Variants in ACTN2 observed in about 807,000 individuals in gnomAD.
The protein encoded by ACTN2 is alpha-actinin-2.
Under a neutral mutation model 113.8 loss-of-function variants are expected in ACTN2, and 39 were observed. The ratio of observed to expected loss-of-function variants is 0.34; its 90% CI spans 0.27 to 0.45. The LOEUF (loss-of-function observed/expected upper bound fraction) is 0.45. Among genes scored for constraint, ACTN2 ranks in the 20% least tolerant of loss-of-function variants. The probability of loss-of-function intolerance (pLI) is 1.00; values close to 1 mark genes in which losing one functional copy is unlikely to be tolerated. For missense variants in ACTN2, 992 were observed against 1,177.9 expected, an observed-to-expected ratio of 0.84 and a Z score of 2.31; for synonymous variants, 429 against 444.1, an observed-to-expected ratio of 0.97 and a Z score of 0.43.
At chr1:236,737,527 CT>C (rs143314457) in intron 9 of ACTN2, among the ~76,000 whole-genome samples, 6,328 of 141,680 alleles carry the variant, frequency 0.045, 216 homozygotes, top group Middle Eastern at 0.11. Flanking sequence ...TTGGACACCC[CT>C]AGACGACCTT....
chr1:236,734,126 C>A (rs964110502), intron 7 of ACTN2, among the ~76,000 whole-genome samples: 4 of 152,098 alleles, frequency 2.6e-5, no homozygotes, highest in Non-Finnish European at 5.9e-5. Flanking sequence ...GGTGTGTGCA[C>A]TCTGTTCAAT....
At chr1:236,738,891 T>C (rs554701978) in intron 9 of ACTN2, among the ~76,000 whole-genome samples, 29 of 152,350 alleles carry the variant, frequency 1.9e-4, no homozygotes, top group African/African-American at 6.7e-4. Context: ...AAACACATTT[T>C]AAGTGAAATC....
rs531670302 is a variant in ACTN2 at position 236,741,938 on chromosome 1, T to C, written c.1108-958T>C. On this transcript the variant is annotated intron_variant, in intron 10 of 20. Transcript: ENST00000366578. ...GCCAAACGCATCTCTCCCTCTGCCC[T>C]GAGGCACTCCACCGCTGCCACACCC... Among the ~76,000 whole-genome samples the C allele has an allele frequency of 5.3e-5, 8 of 152,310 alleles. No homozygotes were observed. The East Asian group carries it at 1.5e-3, about 29-fold the overall frequency.
At chr1:236,735,837 G>A (rs979950473) in intron 8 of ACTN2, 117 bp downstream of exon 8, 4 of 973,532 alleles carry the variant, frequency 4.1e-6, no homozygotes, top group Admixed American at 2.0e-5. Context: ...CTTTCTGAGT[G>A]TTTTCTAATA....
intron 4 of ACTN2, among the ~76,000 whole-genome samples, chr1:236,722,974 A>C (rs1658445830): frequency 6.6e-6 from 1 of 152,182 alleles, no homozygotes; most frequent in Admixed American, 6.5e-5. Flanking sequence ...GATTGTAGTA[A>C]CCAATTGAAG....
At chr1:236,721,015 G>GGTTTTTGTTTTTTTTT in intron 4 of ACTN2, among the ~76,000 whole-genome samples, 22 of 49,176 alleles carry the variant, frequency 4.5e-4, no homozygotes, top group African/African-American at 1.4e-3. Flanking sequence ...TCTGGTTTTT[G>GGTTTTTGTTTTTTTTT]TTTTTTGTTT....
At chr1:236,696,200 G>A (rs1262083743) in intron 1 of ACTN2, among the ~76,000 whole-genome samples, 4 of 151,848 alleles carry the variant, frequency 2.6e-5, no homozygotes, top group South Asian at 2.1e-4. Context: ...CCAGCTACTC[G>A]GGAGGCTGAG....
intron 1 of ACTN2, among the ~76,000 whole-genome samples, chr1:236,702,210 A>G (rs766391759): frequency 6.6e-6 from 1 of 152,204 alleles, no homozygotes; most frequent in East Asian, 1.9e-4. Context: ...GATCCAAGTT[A>G]AGTCGTTTTT....
chr1:236,689,316 TA>T (rs1665987285), intron 1 of ACTN2, among the ~76,000 whole-genome samples: 1 of 33,682 alleles, frequency 3.0e-5, no homozygotes. Context: ...TATATATATA[TA>T]TATATATATA....
chr1:236,709,744 A>G (rs537253877), intron 1 of ACTN2, among the ~76,000 whole-genome samples: 1 of 152,174 alleles, frequency 6.6e-6, no homozygotes, highest in Non-Finnish European at 1.5e-5. Context: ...TAAAAGCTAC[A>G]TGTTCTTCAG....
intron 1 of ACTN2, among the ~76,000 whole-genome samples, chr1:236,691,832 C>T (rs3851907): frequency 0.038 from 5,743 of 152,186 alleles, 360 homozygotes; most frequent in African/African-American, 0.13. Flanking sequence ...AGCTCTGTAT[C>T]GGATATGTCT....
intron 1 of ACTN2, among the ~76,000 whole-genome samples, chr1:236,715,096 C>A (rs527494204): frequency 6.6e-6 from 1 of 151,632 alleles, no homozygotes; most frequent in Non-Finnish European, 1.5e-5. Flanking sequence ...AGCCAAGGAA[C>A]AAAGGTGAGA....
At chr1:236,744,386 A>T (rs1391264712) in intron 11 of ACTN2, among the ~76,000 whole-genome samples, 1 of 152,214 alleles carries the variant, frequency 6.6e-6, no homozygotes, top group East Asian at 1.9e-4. Flanking sequence ...CGCACTCAGC[A>T]TGCTCTCCTT....
chr1:236,731,399 T>A (rs1470401375), intron 7 of ACTN2, 85 bp downstream of exon 7: 3 of 1,118,628 alleles, frequency 2.7e-6, no homozygotes, highest in Admixed American at 1.7e-5. Flanking sequence ...TTGCAAAATT[T>A]TATAGCGAAG....
intron 19 of ACTN2, among the ~76,000 whole-genome samples, chr1:236,760,460 A>G (rs372276118): frequency 2.6e-5 from 4 of 152,296 alleles, no homozygotes; most frequent in South Asian, 4.1e-4. Flanking sequence ...TTTTTCCTCT[A>G]ATATGCTGAA....
rs974935094 is a variant in ACTN2 at position 236,689,319 on chromosome 1, A to C, written c.126+2520A>C. On this transcript the variant is annotated intron_variant, in intron 1 of 20. Coordinates refer to ENST00000366578, the MANE Select transcript of ACTN2 (RefSeq NM_001103.4). ...AGATGTGATATATATATATATATAT[A>C]TATATATATATATATATATACACAC... Among the ~76,000 whole-genome samples the C allele has an allele frequency of 1.2e-3, 53 of 44,688 alleles. 1 individual carries two copies. The South Asian group carries it at 0.035, about 29-fold the overall frequency. The allele number at this position is 44,688 out of a possible 152,430, so 29.3% of individuals were successfully genotyped here. A position where few individuals can be genotyped will look rare whatever the true frequency, so the allele number is the denominator to read the frequency against.
At chr1:236,712,543 A>C (rs1439323924) in intron 1 of ACTN2, among the ~76,000 whole-genome samples, 1 of 152,194 alleles carries the variant, frequency 6.6e-6, no homozygotes, top group Non-Finnish European at 1.5e-5. Flanking sequence ...TAAAAAGGTA[A>C]TATCAACTCA....
intron 4 of ACTN2, among the ~76,000 whole-genome samples, chr1:236,721,153 G>A (rs1019433273): frequency 1.3e-5 from 2 of 149,050 alleles, no homozygotes; most frequent in Non-Finnish European, 1.5e-5. Flanking sequence ...TCAGCCTCAC[G>A]AGTAGCTGGG....
intron 15 of ACTN2, among the ~76,000 whole-genome samples, chr1:236,752,092 G>A (rs1659412720): frequency 6.6e-6 from 1 of 152,148 alleles, no homozygotes; most frequent in Admixed American, 6.5e-5. Context: ...GACATCTTGG[G>A]AATGAAAGTA....
Sources: allele counts gnomAD v4.1 joint callset (sites outside exome capture counted in the v4.1 genomes callset), GRCh38; gene constraint gnomAD v4.1.1; transcripts MANE v1.5; gene names NCBI Gene and HGNC (gene_info 2026-07-23, HGNC 2026-07-21).